Variants in FREM2 observed in about 807,000 individuals in gnomAD.
FREM2 encodes FRAS1-related extracellular matrix protein 2.
In FREM2, 119 loss-of-function variants were observed where a neutral mutation model predicts 219.9. The ratio of observed to expected loss-of-function variants is 0.54; its 90% CI spans 0.47 to 0.63. The LOEUF is 0.63. FREM2 is among the 30% of genes least tolerant of loss of function. The pLI is 0.00. For synonymous variants in FREM2, 1,562 were observed against 1,522.8 expected, an observed-to-expected ratio of 1.03 and a Z score of -0.60; for missense variants, 4,030 against 3,993.6, an observed-to-expected ratio of 1.01 and a Z score of -0.25.
rs777697719 is a variant in FREM2, at chr13:38,691,905, A to G, written c.4561A>G (p.Thr1521Ala). The G allele has an allele frequency of 6.2e-7, 1 of 1,614,070 alleles. No individual in the cohort carries two copies. Among genetic ancestry groups the G allele is most frequent in the African/African-American group, 1.3e-5 (1 of 74,936 alleles). The change falls in exon 1 of 24, where the codon ACA (threonine) becomes GCA (alanine). Residue 1521 changes from threonine to alanine, a missense_variant. Transcript: ENST00000280481. ...VTDGRNPVFRTFRISISDVDN... is the reference protein window; with the variant it reads ...VTDGRNPVFRAFRISISDVDN... ...CGATGGACGTAACCCTGTCTTTCGG[A>G]CATTCCGTATCTCCATTAGCGATGT...
chr13:38,886,556 C>A lies in FREM2; in HGVS notation c.*5769C>A, dbSNP rs541471092. 6.6e-6 allele frequency: 1 copy of A among 152,238 alleles called. No homozygotes were observed. The highest frequency in any genetic ancestry group is 1.9e-4 in the East Asian group (1 of 5,174). 9.4% of individuals were successfully genotyped at this position (152,238 alleles called of 1,614,324 possible). ...GGAATTACAGGTGCCCACTACCATG[C>A]CTGGCTAGTTTTTGTATTTTTAGTA... On this transcript the variant is annotated 3_prime_UTR_variant, in exon 24 of 24. Coordinates refer to ENST00000280481, the MANE Select transcript of FREM2 (RefSeq NM_207361.6).
At chr13:38,752,923 G>A (rs1030249658) in intron 2 of FREM2, among the ~76,000 whole-genome samples, 18 of 152,140 alleles carry the variant, frequency 1.2e-4, no homozygotes, top group African/African-American at 3.6e-4. Flanking sequence ...GAAGTCTGGC[G>A]CCACAAAAGG....
chr13:38,808,099 A>C (rs1341570061), intron 6 of FREM2, among the ~76,000 whole-genome samples: 1 of 151,942 alleles, frequency 6.6e-6, no homozygotes, highest in Non-Finnish European at 1.5e-5. Context: ...TTTACCTTGC[A>C]CTTTAATGAT....
At chr13:38,872,630 CAAT>C (rs978464700) in intron 16 of FREM2, 109 bp from the exon 17 acceptor site, 1 of 863,190 alleles carries the variant, frequency 1.2e-6, no homozygotes, top group African/African-American at 1.7e-5. Context: ...TTCCTCTTCT[CAAT>C]GATTACTCAA....
chr13:38,824,382 C>T (rs922066129), intron 6 of FREM2, among the ~76,000 whole-genome samples: 11 of 152,040 alleles, frequency 7.2e-5, no homozygotes, highest in Non-Finnish European at 1.3e-4. Context: ...TTCCTCATAA[C>T]GTAACAGCCT....
intron 2 of FREM2, among the ~76,000 whole-genome samples, chr13:38,724,539 C>T (rs1330779698): frequency 2.0e-5 from 3 of 152,114 alleles, no homozygotes; most frequent in African/African-American, 4.8e-5. Flanking sequence ...TACAAATTAT[C>T]TTGGTAATAG....
At chr13:38,699,933 A>C (rs1185257820) in intron 2 of FREM2, among the ~76,000 whole-genome samples, 2 of 152,084 alleles carry the variant, frequency 1.3e-5, no homozygotes, top group African/African-American at 4.8e-5. Flanking sequence ...CATATCTATA[A>C]GTCATCCCGA....
At chr13:38,718,667 A>AT (rs1354025541) in intron 2 of FREM2, among the ~76,000 whole-genome samples, 1 of 151,294 alleles carries the variant, frequency 6.6e-6, no homozygotes, top group Non-Finnish European at 1.5e-5. Context: ...ACTACAAAAA[A>AT]TTACTCTAAT....
chr13:38,802,133 T>G (rs973684438), intron 6 of FREM2, among the ~76,000 whole-genome samples: 6 of 152,020 alleles, frequency 3.9e-5, no homozygotes, highest in Non-Finnish European at 7.4e-5. Context: ...GGACCCCCGG[T>G]AGTGTGTTCA....
chr13:38,754,901 G>GATGATT (rs56270131), intron 2 of FREM2, among the ~76,000 whole-genome samples: 178 of 128,652 alleles, frequency 1.4e-3, no homozygotes, highest in African/African-American at 4.1e-3. Flanking sequence ...TGATGATGAT[G>GATGATT]ATTATTATTA....
intron 6 of FREM2, among the ~76,000 whole-genome samples, chr13:38,788,373 G>A (rs947167013): frequency 5.3e-5 from 8 of 152,066 alleles, no homozygotes; most frequent in African/African-American, 1.9e-4. Flanking sequence ...ATAAGTTTGG[G>A]ATGGTTTATC....
At chr13:38,718,673 CTAATA>C (rs1270087805) in intron 2 of FREM2, among the ~76,000 whole-genome samples, 2 of 150,632 alleles carry the variant, frequency 1.3e-5, no homozygotes, top group Non-Finnish European at 2.9e-5. Context: ...AAAAATTACT[CTAATA>C]TTTTAAGAGA....
At chr13:38,763,464 C>CT (rs1163604743) in intron 2 of FREM2, among the ~76,000 whole-genome samples, 2 of 102,364 alleles carry the variant, frequency 2.0e-5, no homozygotes, top group African/African-American at 7.2e-5. Flanking sequence ...GTTACTTGGG[C>CT]TTTTTTTTTT....
chr13:38,799,382 A>G (rs982247569), intron 6 of FREM2, among the ~76,000 whole-genome samples: 3 of 152,096 alleles, frequency 2.0e-5, no homozygotes, highest in African/African-American at 7.2e-5. Flanking sequence ...GTGGCCTAAC[A>G]TATGGTCTAT....
Position 38,874,535 on chromosome 13 carries a change from C to T in FREM2, c.8230C>T (p.His2744Tyr). The T allele has an allele frequency of 1.2e-6, 2 of 1,614,110 alleles. No individual in the cohort carries two copies. Among genetic ancestry groups the T allele is most frequent in the South Asian group, 2.2e-5 (2 of 91,078 alleles). ...RIGDEGRLAV[H>Y]FKTEAQFHGL... ...CGGTGATGAGGGGCGCTTGGCCGTG[C>T]ACTTCAAGACAGAGGCTCAGTTCCA... Residue 2744 changes from histidine (H) to tyrosine (Y), a missense_variant, in exon 18 of 24, where the codon CAC becomes TAC. Physicochemically the swap from His to Tyr is moderately conservative, Grantham distance 83. Transcript: ENST00000280481.
chr13:38,856,078 C>G (rs775900064), intron 11 of FREM2, 48 bp from the exon 12 acceptor site: 4 of 1,081,188 alleles, frequency 3.7e-6, no homozygotes, highest in South Asian at 1.3e-5. Context: ...TAGAAAACTT[C>G]TCATATTCAT....
intron 6 of FREM2, among the ~76,000 whole-genome samples, chr13:38,826,859 A>C (rs528189747): frequency 6.6e-6 from 1 of 152,070 alleles, no homozygotes; most frequent in Non-Finnish European, 1.5e-5. Context: ...AGGTATGGAG[A>C]GTTTAAGCAT....
intron 2 of FREM2, among the ~76,000 whole-genome samples, chr13:38,738,598 T>C (rs923795332): frequency 9.4e-6 from 1 of 106,754 alleles, no homozygotes; most frequent in Non-Finnish European, 1.9e-5. Flanking sequence ...AAAAGAGAGA[T>C]AGAAAAAAAA....
At chr13:38,852,852 G>A (rs1877422770) in intron 11 of FREM2, among the ~76,000 whole-genome samples, 1 of 151,772 alleles carries the variant, frequency 6.6e-6, no homozygotes, top group South Asian at 2.1e-4. Flanking sequence ...CTACAGGCAT[G>A]CACCACCATG....
Sources: gnomAD v4.1 joint callset for allele counts (sites outside exome capture counted in the v4.1 genomes callset) on GRCh38, gnomAD v4.1.1 for gene constraint, MANE v1.5 for transcripts, NCBI Gene and HGNC (gene_info 2026-07-23, HGNC 2026-07-21) for gene names.